The following WFS1 variants were observed in gnomAD, a reference collection of about 807,000 sequenced individuals.
WFS1 encodes the protein wolframin ER transmembrane glycoprotein, also known as wolframin.
A neutral mutation model predicts 68.5 loss-of-function variants in WFS1; 90 were observed. The ratio of observed to expected loss-of-function variants is 1.31; its 90% CI spans 1.11 to 1.56. The LOEUF is 1.56. Among genes scored for constraint, WFS1 ranks in the 40% most tolerant of loss-of-function variants. WFS1 has a pLI of 0.00. For missense variants in WFS1, 1,767 were observed against 1,232.6 expected (o/e 1.43, Z -6.49); for synonymous variants, 860 against 540.7 (o/e 1.59, Z -8.19).
chr4:6,301,046 C>G lies in WFS1; in HGVS notation c.1251C>G (p.Phe417Leu). ...HFLLSVFFVIFSFPIASKDCI... is the reference protein window; with the variant it reads ...HFLLSVFFVILSFPIASKDCI... ...TGCTCTCTGTCTTCTTCGTCATCTT[C>G]TCCTTCCCCATCGCCAGCAAGGACT... is the stretch of plus-strand genomic sequence containing the variant. Residue 417 changes from phenylalanine to leucine, a missense_variant, in exon 8 of 8, where the codon TTC becomes TTG. Physicochemically the swap from Phe to Leu is conservative, Grantham distance 22. Coordinates refer to ENST00000226760, the MANE Select transcript of WFS1 (RefSeq NM_006005.3). 6.2e-7 allele frequency: 1 copy of G among 1,614,184 alleles called. No individual in the cohort carries two copies. The highest frequency in any genetic ancestry group is 8.5e-7 in the Non-Finnish European group (1 of 1,180,030).
At chr4:6,285,189 A>G (rs954504132) in intron 2 of WFS1, among the ~76,000 whole-genome samples, 6 of 147,472 alleles carry the variant, frequency 4.1e-5, no homozygotes, top group African/African-American at 1.0e-4. Context: ...AGGGAGAGTT[A>G]CGTCCAGGGA....
intron 2 of WFS1, among the ~76,000 whole-genome samples, chr4:6,284,689 C>T (rs1730262201): frequency 6.6e-6 from 1 of 151,742 alleles, no homozygotes; most frequent in South Asian, 2.1e-4. Context: ...TGAACAGCAA[C>T]TTTGGACCAC....
chr4:6,299,778 ATG>A (rs1281919592), intron 7 of WFS1, among the ~76,000 whole-genome samples: 1 of 44,636 alleles, frequency 2.2e-5, no homozygotes, highest in Non-Finnish European at 4.2e-5. Flanking sequence ...GTGTGTGTGA[ATG>A]TGTGTGTAGG....
At position 6,287,535 on chromosome 4, in the gene WFS1, C is replaced by T. The variant is rs971622068; in HGVS notation, c.315+360C>T. Among the ~76,000 whole-genome samples the T allele has an allele frequency of 6.6e-6, 1 of 152,238 alleles. No individual in the cohort carries two copies. Among genetic ancestry groups the T allele is most frequent in the East Asian group, 1.9e-4 (1 of 5,188 alleles). ...ACTCTTGTCTCCCTGACTGGCCTTT[C>T]ACCTGGCTGTTAGCTGTGTGCACGG... On this transcript the variant is annotated intron_variant, in intron 3 of 7. Coordinates refer to ENST00000226760, the MANE Select transcript of WFS1 (RefSeq NM_006005.3). This position sits in a 1 kb window ranked among gnomAD's most constrained non-coding sequence, Gnocchi z 6.4.
intron 7 of WFS1, among the ~76,000 whole-genome samples, chr4:6,298,281 G>C (rs528488507): frequency 6.6e-6 from 1 of 152,122 alleles, no homozygotes; most frequent in Non-Finnish European, 1.5e-5. Flanking sequence ...ATACTACAGG[G>C]GCTTGCCCCA....
At chr4:6,280,511 C>A (rs1399056939) in intron 2 of WFS1, among the ~76,000 whole-genome samples, 1 of 152,226 alleles carries the variant, frequency 6.6e-6, no homozygotes, top group Non-Finnish European at 1.5e-5. Context: ...CGTGACACGG[C>A]TGTGCGAGTC....
intron 2 of WFS1, among the ~76,000 whole-genome samples, chr4:6,281,946 G>A (rs1396335466): frequency 1.3e-5 from 2 of 152,190 alleles, no homozygotes; most frequent in Admixed American, 6.5e-5. Context: ...AGCCTCGGAC[G>A]TCACCTCCAG....
chr4:6,279,158 C>A (rs954613161), intron 2 of WFS1, among the ~76,000 whole-genome samples: 2 of 152,192 alleles, frequency 1.3e-5, no homozygotes, highest in Non-Finnish European at 2.9e-5. Context: ...CCAGTGGCCG[C>A]AGGGAGGGCA....
chr4:6,271,714 C>T (rs1238854596), intron 1 of WFS1, among the ~76,000 whole-genome samples: 2 of 152,168 alleles, frequency 1.3e-5, no homozygotes, highest in Non-Finnish European at 2.9e-5. Context: ...GGTTCAGGAC[C>T]CTCGCCTCTC....
At chr4:6,286,519 A>C (rs1359866582) in intron 2 of WFS1, among the ~76,000 whole-genome samples, 1 of 152,180 alleles carries the variant, frequency 6.6e-6, no homozygotes, top group Non-Finnish European at 1.5e-5. Flanking sequence ...CTATGGTATT[A>C]ATATTTTTGT....
Position 6,301,745 on chromosome 4 carries a change from T to C in WFS1, c.1950T>C (p.Tyr650=), listed in dbSNP as rs954580097. 2 of 1,613,942 alleles carry C rather than the reference T, an allele frequency of 1.2e-6. No homozygotes were observed. Among genetic ancestry groups the C allele is most frequent in the Non-Finnish European group, 1.7e-6 (2 of 1,180,042 alleles). ...LTAIVLFCWF[Y]VYRSEGMKVY... ...CCATCGTGCTGTTCTGCTGGTTCTA[T>C]GTGTACCGCTCAGAGGGCATGAAGG... Residue 650 remains tyrosine, a synonymous_variant, in exon 8 of 8, where the codon TAT becomes TAC. Coordinates refer to ENST00000226760, the MANE Select transcript of WFS1 (RefSeq NM_006005.3).
At chr4:6,285,100 G>A (rs773840523) in intron 2 of WFS1, among the ~76,000 whole-genome samples, 27 of 151,872 alleles carry the variant, frequency 1.8e-4, no homozygotes, top group Non-Finnish European at 3.2e-4. Flanking sequence ...CCATCTCTGA[G>A]CAGCGTCCTT....
At chr4:6,273,411 T>C (rs774486158) in intron 1 of WFS1, among the ~76,000 whole-genome samples, 15 of 152,182 alleles carry the variant, frequency 9.9e-5, no homozygotes, top group Non-Finnish European at 1.6e-4. Flanking sequence ...AGTAGGGAGT[T>C]GGGGCTGAGT....
intron 7 of WFS1, among the ~76,000 whole-genome samples, chr4:6,298,516 T>C (rs1730709878): frequency 6.7e-6 from 1 of 149,906 alleles, no homozygotes; most frequent in African/African-American, 2.4e-5. Flanking sequence ...TTAAGTGGAC[T>C]GTCACAAATA....
chr4:6,290,136 A>G (rs1354105616), intron 4 of WFS1, among the ~76,000 whole-genome samples: 2 of 152,240 alleles, frequency 1.3e-5, no homozygotes, highest in African/African-American at 2.4e-5. Context: ...ACAGGGTTTC[A>G]TCAGGTTGGC....
chr4:6,287,079 C>T lies in WFS1; in HGVS notation c.233-14C>T, dbSNP rs1255455184. The T allele has an allele frequency of 1.3e-6, 2 of 1,553,582 alleles. No homozygotes were observed. Among genetic ancestry groups the T allele is most frequent in the South Asian group, 1.2e-5 (1 of 84,248 alleles). On this transcript the variant is annotated splice_polypyrimidine_tract_variant and intron_variant, in intron 2 of 7. Transcript: ENST00000226760. The surrounding 1 kb of genome is among the most constrained non-coding windows in gnomAD (Gnocchi z 6.4). Reference sequence around the variant, plus strand: ...GGCTTTGTGACATGTGTGTTTGTTTCTTCTGTGTTAAAGGGCCTACAAAGG... The same window carrying T: ...GGCTTTGTGACATGTGTGTTTGTTTTTTCTGTGTTAAAGGGCCTACAAAGG...
At chr4:6,293,362 C>T (rs1200367825) in intron 6 of WFS1, among the ~76,000 whole-genome samples, 5 of 152,274 alleles carry the variant, frequency 3.3e-5, no homozygotes, top group African/African-American at 4.8e-5. Flanking sequence ...CCATTGTTTC[C>T]CCTCTATCAG....
intron 1 of WFS1, among the ~76,000 whole-genome samples, chr4:6,270,418 G>A (rs1485856503): frequency 1.3e-5 from 2 of 151,140 alleles, no homozygotes; most frequent in African/African-American, 4.9e-5. Context: ...GGCCGCCCTC[G>A]GTGCCCGCCC....
At position 6,269,909 on chromosome 4, in the gene WFS1, C is replaced by T. The variant is rs909219205; in HGVS notation, c.-111C>T. Reference sequence around the variant, plus strand: ...CGAGTGCAGATTGCTCCCCCGCGGCCGCAGATCTCCCGTTTGCGCCGCGTT... The same window carrying T: ...CGAGTGCAGATTGCTCCCCCGCGGCTGCAGATCTCCCGTTTGCGCCGCGTT... On this transcript the variant is annotated 5_prime_UTR_variant, in exon 1 of 8. Transcript: ENST00000226760. The T allele has an allele frequency of 2.6e-5, 4 of 152,366 alleles. No homozygotes were observed. The highest frequency in any genetic ancestry group is 5.9e-5 in the Non-Finnish European group (4 of 68,038). 9.4% of individuals were successfully genotyped at this position (152,366 alleles called of 1,614,324 possible). A position where few individuals can be genotyped will look rare whatever the true frequency, so the allele number is the denominator to read the frequency against.
Sources: gnomAD v4.1 joint callset for allele counts (sites outside exome capture counted in the v4.1 genomes callset) on GRCh38, gnomAD v4.1.1 for gene constraint, Gnocchi (gnomAD v3.1) non-coding constraint, MANE v1.5 for transcripts, NCBI Gene and HGNC (gene_info 2026-07-23, HGNC 2026-07-21) for gene names.